NDST3: variants seen among roughly 807,000 people sequenced by gnomAD.
NDST3 encodes the protein bifunctional heparan sulfate N-deacetylase/N-sulfotransferase 3.
Under a neutral mutation model 96.1 loss-of-function variants are expected in NDST3, and 58 were observed. That is an observed-to-expected ratio of 0.60 (90% CI 0.49 to 0.75). The LOEUF is 0.75. Among genes scored for constraint, NDST3 ranks in the 30% least tolerant of loss-of-function variants. The pLI, the probability that NDST3 is intolerant of heterozygous loss-of-function variation, is 0.00. For missense variants in NDST3, 788 were observed against 1,034.2 expected (o/e 0.76, Z 3.27); for synonymous variants, 333 against 359.7 (o/e 0.93, Z 0.84).
intron 6 of NDST3, among the ~76,000 whole-genome samples, chr4:118,145,873 G>A (rs949479014): frequency 4.6e-5 from 7 of 152,240 alleles, no homozygotes; most frequent in African/African-American, 1.4e-4. Context: ...CAAAGCTAAC[G>A]TTATCTGGCA....
In NDST3 at chr4:118,054,066, T is replaced by C; in HGVS notation, c.156T>C (p.Cys52=). The change falls in exon 2 of 14, where the codon TGT becomes TGC. Residue 52 remains cysteine, a synonymous_variant. Coordinates refer to ENST00000296499, the MANE Select transcript of NDST3 (RefSeq NM_004784.3). ...ELSETASEVD[C]GDLQHLPYQL... Reference sequence around the variant, plus strand: ...CTGAGACGGCTTCAGAAGTTGACTGTGGCGACCTCCAACACCTACCATATC... The same window carrying C: ...CTGAGACGGCTTCAGAAGTTGACTGCGGCGACCTCCAACACCTACCATATC... 1 of 1,613,070 alleles carries C rather than the reference T, an allele frequency of 6.2e-7. No homozygotes were observed. Among genetic ancestry groups the C allele is most frequent in the Non-Finnish European group, 8.5e-7 (1 of 1,179,326 alleles).
intron 1 of NDST3, among the ~76,000 whole-genome samples, chr4:118,047,305 T>A (rs565245542): frequency 6.6e-6 from 1 of 152,332 alleles, no homozygotes; most frequent in South Asian, 2.1e-4. Flanking sequence ...ACTTCTTAGA[T>A]GCGAAAGAAT....
intron 5 of NDST3, among the ~76,000 whole-genome samples, chr4:118,142,172 G>T (rs1160096468): frequency 6.6e-6 from 1 of 151,830 alleles, no homozygotes; most frequent in Non-Finnish European, 1.5e-5. Flanking sequence ...GATGCATAAT[G>T]CTTTTAAACA....
intron 4 of NDST3, among the ~76,000 whole-genome samples, chr4:118,124,752 T>G (rs549584131): frequency 2.4e-4 from 37 of 152,236 alleles, no homozygotes; most frequent in African/African-American, 8.4e-4. Context: ...TTTCCGGAGA[T>G]GAGTAACTCC....
At chr4:118,059,351 T>C (rs1354108461) in intron 2 of NDST3, among the ~76,000 whole-genome samples, 1 of 152,128 alleles carries the variant, frequency 6.6e-6, no homozygotes, top group Non-Finnish European at 1.5e-5. Context: ...TTAAAAAATC[T>C]ACATTTTTAA....
chr4:118,139,316 T>G, intron 5 of NDST3, among the ~76,000 whole-genome samples: 1 of 152,214 alleles, frequency 6.6e-6, no homozygotes, highest in East Asian at 1.9e-4. Flanking sequence ...AAAACACATT[T>G]TTATCTGTAT....
At chr4:118,192,786 C>G (rs1381015479) in intron 6 of NDST3, among the ~76,000 whole-genome samples, 1 of 151,534 alleles carries the variant, frequency 6.6e-6, no homozygotes, top group Non-Finnish European at 1.5e-5. Context: ...GGACCTTCAT[C>G]AACATGCAAA....
chr4:118,107,262 C>CTATTT (rs1730275903), intron 3 of NDST3, among the ~76,000 whole-genome samples: 1 of 152,058 alleles, frequency 6.6e-6, no homozygotes. Flanking sequence ...AGAAATCACT[C>CTATTT]TAAATATTGA....
intron 2 of NDST3, among the ~76,000 whole-genome samples, chr4:118,087,830 G>A (rs1449299937): frequency 6.6e-6 from 1 of 152,068 alleles, no homozygotes; most frequent in Non-Finnish European, 1.5e-5. Context: ...TCCAAGCTCA[G>A]AAGTCTAGAT....
At chr4:118,178,545 G>A (rs1195888793) in intron 6 of NDST3, among the ~76,000 whole-genome samples, 3 of 151,974 alleles carry the variant, frequency 2.0e-5, no homozygotes, top group Admixed American at 1.3e-4. Context: ...ATATTCCATT[G>A]TATGTATATA....
At chr4:118,248,892 A>T (rs147835802) in intron 12 of NDST3, among the ~76,000 whole-genome samples, 1 of 152,186 alleles carries the variant, frequency 6.6e-6, no homozygotes, top group African/African-American at 2.4e-5. Context: ...ATGGTTCTCC[A>T]TGAAGGACCA....
At position 118,037,603 on chromosome 4, in the gene NDST3, A is replaced by G. The variant is rs2110418952; in HGVS notation, c.-156+3011A>G. The stretch of plus-strand genomic sequence containing the variant: ...GAGGTAATCCATATACCACTCCAAC[A>G]ATTTCCATCACTTCCCTTACATATG... On this transcript the variant is annotated intron_variant, in intron 1 of 13. Transcript: ENST00000296499. Among the ~76,000 whole-genome samples the G allele has an allele frequency of 2.0e-5, 3 of 152,262 alleles. 1 individual carries two copies. In the South Asian group the frequency reaches 6.2e-4, roughly 32 times the overall value.
At chr4:118,162,328 C>G (rs965502533) in intron 6 of NDST3, among the ~76,000 whole-genome samples, 7 of 152,206 alleles carry the variant, frequency 4.6e-5, no homozygotes, top group African/African-American at 1.7e-4. Context: ...CTGGAGGCAT[C>G]ACGCTACCTG....
chr4:118,067,700 T>C (rs1014597062), intron 2 of NDST3, among the ~76,000 whole-genome samples: 2 of 152,072 alleles, frequency 1.3e-5, no homozygotes, highest in Non-Finnish European at 2.9e-5. Flanking sequence ...TGAAGAGGCC[T>C]AGGAGGGCCT....
intron 6 of NDST3, among the ~76,000 whole-genome samples, chr4:118,214,484 A>C (rs1333445224): frequency 6.6e-6 from 1 of 152,160 alleles, no homozygotes; most frequent in Non-Finnish European, 1.5e-5. Context: ...TAAATTAAGT[A>C]TATTATTTAA....
Position 118,053,812 on chromosome 4 carries a change from A to C in NDST3, c.-99A>C, listed in dbSNP as rs944110644. 1.5e-6 allele frequency: 2 copies of C among 1,343,340 alleles called. No individual in the cohort carries two copies. The highest frequency in any genetic ancestry group is 2.0e-6 in the Non-Finnish European group (2 of 990,248). 83.2% of individuals were successfully genotyped at this position (1,343,340 alleles called of 1,614,324 possible). ...TACAAATGAGCTGCAATGGTGACAT[A>C]AACTCTTGACAGAGATTGGAAAAGT... On this transcript the variant is annotated 5_prime_UTR_variant, in exon 2 of 14. The change abolishes the stop of an existing upstream ORF in the 5' untranslated region. Coordinates refer to ENST00000296499, the MANE Select transcript of NDST3 (RefSeq NM_004784.3).
At chr4:118,156,116 T>C (rs1734694877) in intron 6 of NDST3, among the ~76,000 whole-genome samples, 1 of 152,026 alleles carries the variant, frequency 6.6e-6, no homozygotes, top group Non-Finnish European at 1.5e-5. Context: ...TCCTGTCCAC[T>C]TTTCTCATCC....
At chr4:118,137,486 A>C (rs1309004149) in intron 4 of NDST3, among the ~76,000 whole-genome samples, 1 of 152,166 alleles carries the variant, frequency 6.6e-6, no homozygotes, top group African/African-American at 2.4e-5. Flanking sequence ...TACTCTGTTG[A>C]ATTTTACCAC....
intron 4 of NDST3, among the ~76,000 whole-genome samples, chr4:118,129,487 T>C (rs1164440347): frequency 6.6e-6 from 1 of 152,070 alleles, no homozygotes; most frequent in African/African-American, 2.4e-5. Context: ...TCCATTGAGT[T>C]TGTATAGTTT....
Sources: allele counts gnomAD v4.1 joint callset (sites outside exome capture counted in the v4.1 genomes callset), GRCh38; gene constraint gnomAD v4.1.1; transcripts MANE v1.5; gene names NCBI Gene and HGNC (gene_info 2026-07-23, HGNC 2026-07-21).